RBM12B: variants seen among roughly 807,000 people sequenced by gnomAD.
The protein encoded by RBM12B is RNA-binding protein 12B.
RBM12B carries 10 observed loss-of-function variants against 34.3 expected under a neutral mutation model. The observed-to-expected ratio is 0.29, with a 90% CI of 0.18 to 0.49. RBM12B has a LOEUF of 0.49. Ranked by LOEUF, RBM12B falls within the 20% of genes least tolerant of loss-of-function variation. The pLI, the probability that RBM12B is intolerant of heterozygous loss-of-function variation, is 0.99. For missense variants in RBM12B, 1,139 were observed against 1,262.7 expected, an observed-to-expected ratio of 0.90 and a Z score of 1.48; for synonymous variants, 477 against 437.1, an observed-to-expected ratio of 1.09 and a Z score of -1.14.
rs942481008 is a variant in RBM12B, at chr8:93,732,344, T to C, written c.*1061A>G. 7 of 152,244 alleles carry C rather than the reference T, an allele frequency of 4.6e-5. No homozygotes were observed. The highest frequency in any genetic ancestry group is 2.0e-4 in the Admixed American group (3 of 15,280). 9.4% of individuals were successfully genotyped at this position (152,244 alleles called of 1,614,324 possible). A position where few individuals can be genotyped will look rare whatever the true frequency, so the allele number is the denominator to read the frequency against. On this transcript the variant is annotated 3_prime_UTR_variant, in exon 4 of 4. Transcript: ENST00000520560. ...TCAAATTCCCTAGTTGCAAAATGTA[T>C]GCACTAAATGCTGAATATCAAAGAA...
chr8:93,736,023 C>T lies in RBM12B; in HGVS notation c.388G>A (p.Ala130Thr), dbSNP rs1812009158. ...CCTGTACCATTAGTATGAAACCCAGCATCTTGATTAATTGAAGAGCCATAT... is the reference window on the plus strand; with the variant it reads ...CCTGTACCATTAGTATGAAACCCAGTATCTTGATTAATTGAAGAGCCATAT... ...SGYGSSINQD[A>T]GFHTNGTGHG... is the part of the protein sequence containing the mutation. Residue 130 changes from alanine to threonine, a missense_variant, in exon 4 of 4, where the codon GCT becomes ACT. By Grantham distance (58) the Ala-to-Thr change is moderately conservative (BLOSUM62 0). This residue lies in a region of RBM12B where 216 missense variants were observed against 292.2 expected (regional missense o/e 0.74). Coordinates refer to ENST00000520560, the MANE Select transcript of RBM12B (RefSeq NM_001377960.1). The T allele has an allele frequency of 2.5e-6, 4 of 1,614,166 alleles. No individual in the cohort carries two copies. Among genetic ancestry groups the T allele is most frequent in the Non-Finnish European group, 2.5e-6 (3 of 1,180,046 alleles).
chr8:93,734,814 C>G lies in RBM12B; in HGVS notation c.1597G>C (p.Asp533His), dbSNP rs200620973. The G allele has an allele frequency of 1.8e-4, 297 of 1,614,138 alleles. 1 individual carries two copies. The highest frequency in any genetic ancestry group is 2.4e-4 in the Non-Finnish European group (289 of 1,180,014). ...AFENFRHQLE[D>H]LRQLDNFKHP... ...TTGAAGTTATCCAGTTGCCTCAAGT[C>G]CTCTAGCTGATGTCTAAAGTTTTCA... The change falls in exon 4 of 4, where the codon GAC (aspartate) becomes CAC (histidine). Residue 533 changes from aspartate (D) to histidine (H), a missense_variant. Physicochemically the swap from Asp to His is moderately conservative, Grantham distance 81 (BLOSUM62 -1). Coordinates refer to ENST00000520560, the MANE Select transcript of RBM12B (RefSeq NM_001377960.1).
chr8:93,736,280 A>C lies in RBM12B; in HGVS notation c.131T>G (p.Phe44Cys). 1.2e-6 allele frequency: 2 copies of C among 1,614,182 alleles called. No homozygotes were observed. The highest frequency in any genetic ancestry group is 1.7e-6 in the Non-Finnish European group (2 of 1,180,038). Residue 44 changes from phenylalanine to cysteine, a missense_variant, in exon 4 of 4, where the codon TTT becomes TGT. Coordinates refer to ENST00000520560, the MANE Select transcript of RBM12B (RefSeq NM_001377960.1). Reference protein sequence around the residue: ...HIIGGEIGEAFIIFATDEDAR... With the variant: ...HIIGGEIGEACIIFATDEDAR... ...ATCTTCATCTGTTGCAAAAATAATAAAAGCCTCCCCAATTTCCCCTCCAAT... is the reference window on the plus strand; with the variant it reads ...ATCTTCATCTGTTGCAAAAATAATACAAGCCTCCCCAATTTCCCCTCCAAT...
Position 93,728,331 on chromosome 8 carries a change from G to T in RBM12B, c.*5074C>A. On this transcript the variant is annotated 3_prime_UTR_variant, in exon 4 of 4. Coordinates refer to ENST00000520560, the MANE Select transcript of RBM12B (RefSeq NM_001377960.1). Reference sequence around the variant, plus strand: ...TTTCCATTTTCATCATAAATGACTTGAAATCCACAATGACTAAATTGTAGA... The same window carrying T: ...TTTCCATTTTCATCATAAATGACTTTAAATCCACAATGACTAAATTGTAGA... 1 of 1,372,458 alleles carries T rather than the reference G, an allele frequency of 7.3e-7. No individual in the cohort carries two copies. Among genetic ancestry groups the T allele is most frequent in the South Asian group, 1.3e-5 (1 of 78,412 alleles). 85.0% of individuals were successfully genotyped at this position (1,372,458 alleles called of 1,614,324 possible).
chr8:93,739,079 G>A (rs1025728896), intron 2 of RBM12B: 1 of 152,190 alleles, frequency 6.6e-6, no homozygotes, highest in Admixed American at 6.5e-5. Flanking sequence ...AACTACAAAT[G>A]GCTTCTGGAA....
chr8:93,736,530 T>C, intron 3 of RBM12B, 92 bp from the exon 4 acceptor site: 1 of 953,346 alleles, frequency 1.0e-6, no homozygotes, highest in Non-Finnish European at 1.5e-6. Flanking sequence ...TCCTGCTTTC[T>C]TCAACATTTA....
intron 3 of RBM12B, among the ~76,000 whole-genome samples, chr8:93,737,021 C>T (rs1325251851): frequency 6.6e-6 from 1 of 152,174 alleles, no homozygotes; most frequent in East Asian, 1.9e-4. Flanking sequence ...GCCTTGGCAA[C>T]AGAGCGAGAG....
At position 93,735,604 on chromosome 8, in the gene RBM12B, A is replaced by T; in HGVS notation, c.807T>A (p.His269Gln). Residue 269 changes from histidine to glutamine, a missense_variant, in exon 4 of 4, where the codon CAT (histidine) becomes CAA (glutamine). His to Gln is a conservative substitution (Grantham distance 24). Transcript: ENST00000520560. ...INDRHFRKRS[H>Q]SKSPRRTRSR... ...AACGTGTTCTTCTGGGAGATTTTGA[A>T]TGAGACCGTTTTCGAAAATGTCTAT... The T allele has an allele frequency of 6.2e-7, 1 of 1,614,178 alleles. No homozygotes were observed. The highest frequency in any genetic ancestry group is 8.5e-7 in the Non-Finnish European group (1 of 1,180,022).
At position 93,731,004 on chromosome 8, in the gene RBM12B, T is replaced by TA. The variant is rs1472311910; in HGVS notation, c.*2400dup. On this transcript the variant is annotated 3_prime_UTR_variant, in exon 4 of 4. Transcript: ENST00000520560. Reference sequence around the variant, plus strand: ...AGTGAGACTCTGTCTCTACAAATAATAAAAAATTTAGCCAGACAAGGTGGC... The same window carrying TA: ...AGTGAGACTCTGTCTCTACAAATAATAAAAAAATTTAGCCAGACAAGGTGGC... 6.6e-6 allele frequency: 1 copy of TA among 151,994 alleles called. No individual in the cohort carries two copies. Among genetic ancestry groups the TA allele is most frequent in the Non-Finnish European group, 1.5e-5 (1 of 68,010 alleles). 9.4% of individuals were successfully genotyped at this position (151,994 alleles called of 1,614,324 possible).
At chr8:93,737,540 G>A (rs1812058032) in intron 2 of RBM12B, among the ~76,000 whole-genome samples, 185 bp from the exon 3 acceptor site, 1 of 152,010 alleles carries the variant, frequency 6.6e-6, no homozygotes, top group African/African-American at 2.4e-5. Context: ...CTGCAAAAAG[G>A]AGATACAATA....
At position 93,732,166 on chromosome 8, in the gene RBM12B, C is replaced by T. The variant is rs1190438128; in HGVS notation, c.*1239G>A. ...AGTTGCTTAACCTCGCACTTCATCCCACTTCATTATCTCATTTGTGAAATA... is the reference window on the plus strand; with the variant it reads ...AGTTGCTTAACCTCGCACTTCATCCTACTTCATTATCTCATTTGTGAAATA... On this transcript the variant is annotated 3_prime_UTR_variant, in exon 4 of 4. Transcript: ENST00000520560. The T allele has an allele frequency of 6.6e-6, 1 of 152,170 alleles. No individual in the cohort carries two copies. The highest frequency in any genetic ancestry group is 6.5e-5 in the Admixed American group (1 of 15,278). 9.4% of individuals were successfully genotyped at this position (152,170 alleles called of 1,614,324 possible).
Position 93,735,611 on chromosome 8 carries a change from C to G in RBM12B, c.800G>C (p.Arg267Pro). 6.2e-7 allele frequency: 1 copy of G among 1,613,902 alleles called. No homozygotes were observed. Among genetic ancestry groups the G allele is most frequent in the Non-Finnish European group, 8.5e-7 (1 of 1,179,954 alleles). ...TCTTCTGGGAGATTTTGAATGAGAC[C>G]GTTTTCGAAAATGTCTATCATTAAT... ...RGINDRHFRK[R>P]SHSKSPRRTR... The change falls in exon 4 of 4, where the codon CGG becomes CCG. Residue 267 changes from arginine (R) to proline (P), a missense_variant. Physicochemically the swap from Arg to Pro is moderately radical, Grantham distance 103. Transcript: ENST00000520560.
rs1458028633 is a variant in RBM12B at position 93,736,165 on chromosome 8, AG to A, written c.245del (p.Thr82IlefsTer2). 1 of 1,614,086 alleles carries A rather than the reference AG, an allele frequency of 6.2e-7. No individual in the cohort carries two copies. The highest frequency in any genetic ancestry group is 8.5e-7 in the Non-Finnish European group (1 of 1,180,042). ...CACGATCAGTTCTTTTCATTTCTATAGTCTTCTGCATTTCTGCCTTGCTACT... is the reference window on the plus strand; with the variant it reads ...CACGATCAGTTCTTTTCATTTCTATATCTTCTGCATTTCTGCCTTGCTACT... Reference protein sequence around the residue: ...FLSSKAEMQKTIEMKRTDRVG... With the variant: ...FLSSKAEMQKXIEMKRTDRVG... On this transcript the variant is annotated frameshift_variant, in exon 4 of 4. Coordinates refer to ENST00000520560, the MANE Select transcript of RBM12B (RefSeq NM_001377960.1). LOFTEE classifies it high-confidence loss of function.
chr8:93,733,949 T>C lies in RBM12B; in HGVS notation c.2462A>G (p.His821Arg), dbSNP rs866058504. Residue 821 changes from histidine (H) to arginine (R), a missense_variant, in exon 4 of 4, where the codon CAC becomes CGC. By Grantham distance (29) the His-to-Arg change is conservative (BLOSUM62 0). This residue lies in a region of RBM12B where 863 missense variants were observed against 869.5 expected (regional missense o/e 0.99). Transcript: ENST00000520560. The stretch of plus-strand genomic sequence containing the variant: ...GCTCCTGAAGTCCTCATCAGGAGGG[T>C]GCCTAAAGTCTTCATCAGGAGGGCC... ...FRGPPDEDFR[H>R]PPDEDFRSPQ... The C allele has an allele frequency of 6.2e-7, 1 of 1,612,454 alleles. No homozygotes were observed. Among genetic ancestry groups the C allele is most frequent in the African/African-American group, 1.3e-5 (1 of 74,514 alleles).
In RBM12B at chr8:93,736,025, T is replaced by C; in HGVS notation, c.386A>G (p.Asp129Gly). The C allele has an allele frequency of 6.2e-7, 1 of 1,614,180 alleles. No homozygotes were observed. Among genetic ancestry groups the C allele is most frequent in the Non-Finnish European group, 8.5e-7 (1 of 1,180,042 alleles). Residue 129 changes from aspartate (D) to glycine (G), a missense_variant, in exon 4 of 4, where the codon GAT becomes GGT. By Grantham distance (94) the Asp-to-Gly change is moderately conservative. Coordinates refer to ENST00000520560, the MANE Select transcript of RBM12B (RefSeq NM_001377960.1). ...TGTACCATTAGTATGAAACCCAGCA[T>C]CTTGATTAATTGAAGAGCCATATCC... ...NSGYGSSINQ[D>G]AGFHTNGTGH...
intron 2 of RBM12B, among the ~76,000 whole-genome samples, chr8:93,739,582 C>T (rs1472878313): frequency 6.6e-6 from 1 of 152,202 alleles, no homozygotes; most frequent in Admixed American, 6.5e-5. Context: ...GCTATATTTC[C>T]TTAAGCAAAT....
In RBM12B at chr8:93,733,332, CT is replaced by C; in HGVS notation, c.*72del. ...CATTAGATAATTTAAAAAAAAAACA[CT>C]TTTTTAAAACAAATGTATTTTACTC... On this transcript the variant is annotated 3_prime_UTR_variant, in exon 4 of 4. Coordinates refer to ENST00000520560, the MANE Select transcript of RBM12B (RefSeq NM_001377960.1). 1 of 1,220,866 alleles carries C rather than the reference CT, an allele frequency of 8.2e-7. No individual in the cohort carries two copies. Among genetic ancestry groups the C allele is most frequent in the Non-Finnish European group, 1.1e-6 (1 of 929,082 alleles). 75.6% of individuals were successfully genotyped at this position (1,220,866 alleles called of 1,614,324 possible).
At chr8:93,738,616 C>G (rs1329643024) in intron 2 of RBM12B, among the ~76,000 whole-genome samples, 1 of 152,004 alleles carries the variant, frequency 6.6e-6, no homozygotes, top group African/African-American at 2.4e-5. Context: ...GTGTGCACCA[C>G]CACACCCGGC....
At position 93,731,218 on chromosome 8, in the gene RBM12B, A is replaced by C. The variant is rs1169901736; in HGVS notation, c.*2187T>G. The stretch of plus-strand genomic sequence containing the variant: ...TCTAGCTGGCCTCTTATCTACCACC[A>C]CCATCCCACCTCAGCCCAGTTTGAA... On this transcript the variant is annotated 3_prime_UTR_variant, in exon 4 of 4. Transcript: ENST00000520560. 6.6e-6 allele frequency: 1 copy of C among 152,188 alleles called. No homozygotes were observed. Among genetic ancestry groups the C allele is most frequent in the Non-Finnish European group, 1.5e-5 (1 of 68,022 alleles). 9.4% of individuals were successfully genotyped at this position (152,188 alleles called of 1,614,324 possible). A position where few individuals can be genotyped will look rare whatever the true frequency, so the allele number is the denominator to read the frequency against.
Sources: gnomAD v4.1 joint callset for allele counts (sites outside exome capture counted in the v4.1 genomes callset) on GRCh38, gnomAD v4.1.1 for gene constraint, gnomAD v4.1.1 regional missense constraint, MANE v1.5 for transcripts, NCBI Gene and HGNC (gene_info 2026-07-23, HGNC 2026-07-21) for gene names.